Variants in KCNJ15 observed in about 807,000 individuals in gnomAD.
KCNJ15 encodes potassium inwardly rectifying channel subfamily J member 15.
In KCNJ15, 14 loss-of-function variants were observed where a neutral mutation model predicts 23.0. The ratio of observed to expected loss-of-function variants is 0.61; its 90% confidence interval spans 0.40 to 0.95. KCNJ15 has a LOEUF of 0.95. Ranked by LOEUF, KCNJ15 falls within the 40% of genes least tolerant of loss-of-function variation. The pLI, the probability that KCNJ15 is intolerant of heterozygous loss-of-function variation, is 0.00. For synonymous variants in KCNJ15, 185 were observed against 183.2 expected, an observed-to-expected ratio of 1.01 and a Z score of -0.08; for missense variants, 388 against 461.8, an observed-to-expected ratio of 0.84 and a Z score of 1.46.
At chr21:38,234,342 A>G (rs773795100) in intron 1 of KCNJ15, among the ~76,000 whole-genome samples, 36 of 152,212 alleles carry the variant, frequency 2.4e-4, no homozygotes, top group Non-Finnish European at 2.2e-4. Context: ...TCTTCTTCCA[A>G]TGTGGCCTAG....
rs1343958150 is a variant in KCNJ15, at chr21:38,306,115, G to GA, written c.*5727dup. 1 of 152,176 alleles carries GA rather than the reference G, an allele frequency of 6.6e-6. No individual in the cohort carries two copies. The highest frequency in any genetic ancestry group is 1.5e-5 in the Non-Finnish European group (1 of 68,040). The allele number at this position is 152,176 out of a possible 1,614,324, so 9.4% of individuals were successfully genotyped here. A position where few individuals can be genotyped will look rare whatever the true frequency, so the allele number is the denominator to read the frequency against. On this transcript the variant is annotated 3_prime_UTR_variant, in exon 3 of 3. Transcript: ENST00000398938. The stretch of plus-strand genomic sequence containing the variant: ...CAAGCCCCAGTTGCAGAATTAGGCT[G>GA]ATGGTTTTACAAAAGAGTCCTCCTA...
At chr21:38,279,646 A>G (rs2836274) in intron 1 of KCNJ15, among the ~76,000 whole-genome samples, 102,530 of 151,978 alleles carry the variant, frequency 0.67, 35,038 homozygotes, top group Non-Finnish European at 0.73. Flanking sequence ...GTTGAAGAGT[A>G]ATCACCCAGC....
At position 38,302,037 on chromosome 21, in the gene KCNJ15, C is replaced by A. The variant is rs1329714097; in HGVS notation, c.*1648C>A. Reference sequence around the variant, plus strand: ...GCACACACACATACGCACACGTAAACACATGCACACATGCACACACGCGCA... The same window carrying A: ...GCACACACACATACGCACACGTAAAAACATGCACACATGCACACACGCGCA... On this transcript the variant is annotated 3_prime_UTR_variant, in exon 3 of 3. Coordinates refer to ENST00000398938, the MANE Select transcript of KCNJ15 (RefSeq NM_170736.3). 1 of 151,060 alleles carries A rather than the reference C, an allele frequency of 6.6e-6. No homozygotes were observed. Among genetic ancestry groups the A allele is most frequent in the Non-Finnish European group, 1.5e-5 (1 of 68,256 alleles). The allele number at this position is 151,060 out of a possible 1,614,324, so 9.4% of individuals were successfully genotyped here. A position where few individuals can be genotyped will look rare whatever the true frequency, so the allele number is the denominator to read the frequency against.
At chr21:38,279,957 G>A (rs1322262925) in intron 1 of KCNJ15, among the ~76,000 whole-genome samples, 1 of 152,158 alleles carries the variant, frequency 6.6e-6, no homozygotes, top group Non-Finnish European at 1.5e-5. Flanking sequence ...GCTGAAAACA[G>A]GGCTGAAGAT....
intron 1 of KCNJ15, among the ~76,000 whole-genome samples, chr21:38,240,141 T>C (rs1044468035): frequency 1.3e-5 from 2 of 152,224 alleles, no homozygotes; most frequent in African/African-American, 4.8e-5. Flanking sequence ...CACATTTTAT[T>C]ACAGTGATTG....
intron 1 of KCNJ15, among the ~76,000 whole-genome samples, chr21:38,288,867 T>C (rs1210648377): frequency 1.3e-5 from 2 of 152,202 alleles, no homozygotes; most frequent in African/African-American, 4.8e-5. Flanking sequence ...TCATCTCCTG[T>C]GAATGCTCCA....
At chr21:38,295,645 G>A (rs1055980570) in intron 1 of KCNJ15, among the ~76,000 whole-genome samples, 1 of 151,726 alleles carries the variant, frequency 6.6e-6, no homozygotes, top group East Asian at 1.9e-4. Context: ...AACTGTTATT[G>A]TTGCTTACCA....
rs2146361219 is a variant in KCNJ15 at position 38,303,851 on chromosome 21, T to C, written c.*3462T>C. On this transcript the variant is annotated 3_prime_UTR_variant, in exon 3 of 3. Transcript: ENST00000398938. ...TCTAGCATTATTCTGTCTCCCTTAT[T>C]TGAGTCTTCAATATATATGCCCAGC... 1 of 152,276 alleles carries C rather than the reference T, an allele frequency of 6.6e-6. No individual in the cohort carries two copies. The highest frequency in any genetic ancestry group is 2.1e-4 in the South Asian group (1 of 4,814). The allele number at this position is 152,276 out of a possible 1,614,324, so 9.4% of individuals were successfully genotyped here.
At chr21:38,287,492 T>G (rs1271101270) in intron 1 of KCNJ15, among the ~76,000 whole-genome samples, 1 of 152,360 alleles carries the variant, frequency 6.6e-6, no homozygotes, top group African/African-American at 2.4e-5. Flanking sequence ...TAGATACATA[T>G]ATGTAAATAG....
chr21:38,271,946 C>A (rs984964582), intron 1 of KCNJ15, among the ~76,000 whole-genome samples: 1 of 152,164 alleles, frequency 6.6e-6, no homozygotes, highest in Non-Finnish European at 1.5e-5. Context: ...TAAAAAGAAA[C>A]GGCCAAAACC....
At chr21:38,267,601 G>A (rs757692152) in intron 1 of KCNJ15, among the ~76,000 whole-genome samples, 7 of 152,096 alleles carry the variant, frequency 4.6e-5, no homozygotes, top group East Asian at 3.9e-4. Flanking sequence ...AGTTAATGGC[G>A]CCACCCTTGA....
chr21:38,233,267 C>T (rs1481926060), intron 1 of KCNJ15, among the ~76,000 whole-genome samples: 1 of 152,096 alleles, frequency 6.6e-6, no homozygotes, highest in Non-Finnish European at 1.5e-5. Flanking sequence ...AGCATAACCA[C>T]TCTGGCTCTC....
rs937972144 is a variant in KCNJ15 at position 38,300,569 on chromosome 21, G to C, written c.*180G>C. On this transcript the variant is annotated 3_prime_UTR_variant, in exon 3 of 3. Transcript: ENST00000398938. ...TAAACCAGCATTTCTGTGTTTGAGA[G>C]ATTTCCTGTTAGGTGCTTCGTCTGA... is the stretch of plus-strand genomic sequence containing the variant. The C allele has an allele frequency of 1.7e-5, 10 of 578,578 alleles. No individual in the cohort carries two copies. The highest frequency in any genetic ancestry group is 2.5e-5 in the South Asian group (1 of 39,556). 35.8% of individuals were successfully genotyped at this position (578,578 alleles called of 1,614,324 possible).
At chr21:38,238,425 G>T in intron 1 of KCNJ15, 3 of 680,564 alleles carry the variant, frequency 4.4e-6, no homozygotes, top group Non-Finnish European at 5.6e-6. Context: ...CAGGGTGGAC[G>T]CACTGCACCA....
At chr21:38,239,142 G>C (rs1257597749) in intron 1 of KCNJ15, among the ~76,000 whole-genome samples, 2 of 152,174 alleles carry the variant, frequency 1.3e-5, no homozygotes, top group South Asian at 2.1e-4. Flanking sequence ...AGAACTAGCT[G>C]CTTTTGTGTT....
chr21:38,268,358 C>G (rs563932892), intron 1 of KCNJ15, among the ~76,000 whole-genome samples: 9 of 151,922 alleles, frequency 5.9e-5, no homozygotes, highest in East Asian at 3.9e-4. Context: ...CAGTGCTGTA[C>G]TGTGATTAAG....
intron 1 of KCNJ15, among the ~76,000 whole-genome samples, chr21:38,258,507 G>A (rs1980523748): frequency 6.6e-6 from 1 of 152,166 alleles, no homozygotes. Context: ...ACCATCCAGG[G>A]AATGGCCCAG....
At chr21:38,269,534 C>T (rs1035945685) in intron 1 of KCNJ15, among the ~76,000 whole-genome samples, 1 of 152,100 alleles carries the variant, frequency 6.6e-6, no homozygotes, top group Non-Finnish European at 1.5e-5. Context: ...AAGTAACTAT[C>T]TCCTCTGTTT....
intron 1 of KCNJ15, among the ~76,000 whole-genome samples, chr21:38,266,562 G>C (rs1981486970): frequency 6.6e-6 from 1 of 152,124 alleles, no homozygotes; most frequent in Non-Finnish European, 1.5e-5. Flanking sequence ...GTTGATTCCA[G>C]GGCATTTGTG....
Sources: allele counts gnomAD v4.1 joint callset (sites outside exome capture counted in the v4.1 genomes callset), GRCh38; gene constraint gnomAD v4.1.1; transcripts MANE v1.5; gene names NCBI Gene and HGNC (gene_info 2026-07-23, HGNC 2026-07-21).